The following QPCT variants were observed in gnomAD, a reference collection of about 807,000 sequenced individuals.
The protein encoded by QPCT is EC.
A neutral mutation model predicts 43.4 loss-of-function variants in QPCT; 44 were observed. The ratio of observed to expected loss-of-function variants is 1.01; its 90% CI spans 0.80 to 1.30. The LOEUF is 1.30. Among genes scored for constraint, QPCT ranks in the 50% most tolerant of loss-of-function variants. The pLI, the probability that QPCT is intolerant of heterozygous loss-of-function variation, is 0.00. For synonymous variants in QPCT, 168 were observed against 168.4 expected, an observed-to-expected ratio of 1.00 and a Z score of 0.02; for missense variants, 526 against 436.5, an observed-to-expected ratio of 1.21 and a Z score of -1.83.
chr2:37,365,272 T>G (rs1672939863), intron 3 of QPCT, among the ~76,000 whole-genome samples: 2 of 152,110 alleles, frequency 1.3e-5, no homozygotes, highest in Admixed American at 6.6e-5. Context: ...GTAGGAGGAA[T>G]ATGGTATCTT....
chr2:37,355,596 G>A (rs1166291130), intron 2 of QPCT, among the ~76,000 whole-genome samples: 1 of 152,016 alleles, frequency 6.6e-6, no homozygotes, highest in East Asian at 1.9e-4. Context: ...AATATTTTGG[G>A]GGAACCCTGT....
At chr2:37,352,962 G>A (rs527562470) in intron 2 of QPCT, 27 bp downstream of exon 2, 1 of 1,601,950 alleles carries the variant, frequency 6.2e-7, no homozygotes, top group East Asian at 2.2e-5. Flanking sequence ...CAAACCTCAA[G>A]CTTGTGTGAA....
intron 3 of QPCT, among the ~76,000 whole-genome samples, chr2:37,363,827 G>C (rs1005619108): frequency 6.6e-6 from 1 of 151,914 alleles, no homozygotes; most frequent in African/African-American, 2.4e-5. Context: ...TGCAATAACA[G>C]AACAATTGGT....
chr2:37,360,383 A>T (rs1672838412), intron 3 of QPCT, among the ~76,000 whole-genome samples: 2 of 152,200 alleles, frequency 1.3e-5, no homozygotes. Context: ...GCTCCATTTT[A>T]TGTAGCATAG....
chr2:37,365,677 T>A (rs762876379), intron 3 of QPCT, among the ~76,000 whole-genome samples: 1 of 152,180 alleles, frequency 6.6e-6, no homozygotes, highest in African/African-American at 2.4e-5. Context: ...GCTAGAGCAA[T>A]GTCCTTGAGC....
Position 37,349,962 on chromosome 2 carries a change from G to A in QPCT, c.121-2827G>A, listed in dbSNP as rs1052590789. On this transcript the variant is annotated intron_variant, in intron 1 of 6. Transcript: ENST00000338415. Reference sequence around the variant, plus strand: ...TTTATCAAATGCTCAAGATGAACCAGGCCCTGTGTGGCCTGTGTGGGAGAG... The same window carrying A: ...TTTATCAAATGCTCAAGATGAACCAAGCCCTGTGTGGCCTGTGTGGGAGAG... 2.6e-5 allele frequency among the ~76,000 whole-genome samples: 4 copies of A among 152,130 alleles called. No homozygotes were observed. The East Asian group carries it at 5.8e-4, about 22-fold the overall frequency.
At chr2:37,366,680 G>C (rs1449615536) in intron 3 of QPCT, among the ~76,000 whole-genome samples, 2 of 152,354 alleles carry the variant, frequency 1.3e-5, no homozygotes, top group African/African-American at 4.8e-5. Flanking sequence ...ACAGGTATCA[G>C]GGAGGGGAAA....
chr2:37,344,839 G>A lies in QPCT; in HGVS notation c.108G>A (p.Trp36Ter). Reference sequence around the variant, plus strand: ...GGGTCAGTCCGAGTGCCTCAGCCTGGCCAGAGGAGAAGGTGAGGGGCTGTT... The same window carrying A: ...GGGTCAGTCCGAGTGCCTCAGCCTGACCAGAGGAGAAGGTGAGGGGCTGTT... The part of the protein sequence containing the change: ...SRGVSPSASA[W>*]PEEKNYHQPA... Residue 36 changes from tryptophan (W) to a stop codon, truncating the protein, a stop_gained, in exon 1 of 7, where the codon TGG (tryptophan) becomes TGA (stop). Transcript: ENST00000338415. LOFTEE classifies it high-confidence loss of function. 1.3e-6 allele frequency: 2 copies of A among 1,596,744 alleles called. 1 individual carries two copies.
intron 1 of QPCT, among the ~76,000 whole-genome samples, chr2:37,348,007 G>A (rs1364918131): frequency 6.6e-6 from 1 of 151,836 alleles, no homozygotes; most frequent in Non-Finnish European, 1.5e-5. Context: ...CAGAGATAAT[G>A]GCTATTAACC....
intron 5 of QPCT, 99 bp from the exon 6 acceptor site, chr2:37,372,257 C>A: frequency 1.2e-6 from 1 of 852,514 alleles, no homozygotes; most frequent in Non-Finnish European, 2.0e-6. Flanking sequence ...AAATTATGGA[C>A]ACATGTGCTA....
chr2:37,367,074 A>C, intron 3 of QPCT, 158 bp from the exon 4 acceptor site: 2 of 701,372 alleles, frequency 2.9e-6, no homozygotes, highest in South Asian at 3.9e-5. Flanking sequence ...ACTTTTGAAG[A>C]GGAAGTGGTG....
At chr2:37,347,669 A>G (rs377318037) in intron 1 of QPCT, among the ~76,000 whole-genome samples, 1 of 152,162 alleles carries the variant, frequency 6.6e-6, no homozygotes, top group Non-Finnish European at 1.5e-5. Flanking sequence ...GTGCTAATCC[A>G]TATTCCAGAG....
At chr2:37,349,881 T>G (rs528614199) in intron 1 of QPCT, among the ~76,000 whole-genome samples, 1 of 152,284 alleles carries the variant, frequency 6.6e-6, no homozygotes, top group South Asian at 2.1e-4. Flanking sequence ...TTAGCAAAGA[T>G]AATTTTAGAA....
intron 3 of QPCT, chr2:37,367,015 G>A: frequency 3.9e-6 from 2 of 509,454 alleles, no homozygotes; most frequent in Non-Finnish European, 6.9e-6. Flanking sequence ...TTTTCAGAGG[G>A]AATGGAAGAA....
At chr2:37,354,870 G>T (rs1306776531) in intron 2 of QPCT, among the ~76,000 whole-genome samples, 2 of 151,798 alleles carry the variant, frequency 1.3e-5, no homozygotes, top group African/African-American at 4.8e-5. Flanking sequence ...TATATAACCA[G>T]AAATGATATG....
intron 3 of QPCT, among the ~76,000 whole-genome samples, chr2:37,361,697 C>T (rs573631593): frequency 6.6e-6 from 1 of 152,182 alleles, no homozygotes; most frequent in African/African-American, 2.4e-5. Context: ...ATCAGCTGCT[C>T]CCTAGCTGAC....
chr2:37,348,038 A>ATCTC (rs56107736), intron 1 of QPCT, among the ~76,000 whole-genome samples: 12,871 of 150,014 alleles, frequency 0.086, 1,038 homozygotes, highest in East Asian at 0.35. Flanking sequence ...TTTTATTTCT[A>ATCTC]TCTCTCTCTC....
intron 1 of QPCT, among the ~76,000 whole-genome samples, chr2:37,347,179 A>ATATAT (rs1244639524): frequency 2.0e-4 from 10 of 50,772 alleles, no homozygotes; most frequent in Admixed American, 2.9e-4. Flanking sequence ...ATATATATAT[A>ATATAT]ACATATATAT....
chr2:37,347,163 T>TAA (rs1389212033), intron 1 of QPCT, among the ~76,000 whole-genome samples: 1 of 35,822 alleles, frequency 2.8e-5, no homozygotes, highest in Non-Finnish European at 4.3e-5. Context: ...TATATATATA[T>TAA]AACATATATA....
Sources: gnomAD v4.1 joint callset for allele counts (sites outside exome capture counted in the v4.1 genomes callset) on GRCh38, gnomAD v4.1.1 for gene constraint, MANE v1.5 for transcripts, NCBI Gene and HGNC (gene_info 2026-07-23, HGNC 2026-07-21) for gene names.